The following ATP2B2 variants were observed in gnomAD, a reference collection of about 807,000 sequenced individuals.
The protein encoded by ATP2B2 is ATPase plasma membrane Ca2+ transporting 2.
Under a neutral mutation model 120.0 loss-of-function variants are expected in ATP2B2, and 15 were observed. The ratio of observed to expected loss-of-function variants is 0.12; its 90% CI spans 0.08 to 0.19. The LOEUF (loss-of-function observed/expected upper bound fraction) is 0.19, where lower values mean the gene tolerates loss of function less well. Among genes scored for constraint, ATP2B2 ranks in the 10% least tolerant of loss-of-function variants. The pLI is 1.00. For missense variants in ATP2B2, 1,045 were observed against 1,719.8 expected, an observed-to-expected ratio of 0.61 and a Z score of 6.94; for synonymous variants, 694 against 700.3, an observed-to-expected ratio of 0.99 and a Z score of 0.14.
intron 1 of ATP2B2, among the ~76,000 whole-genome samples, chr3:10,653,255 C>A (rs1391001679): frequency 1.3e-5 from 2 of 152,212 alleles, no homozygotes; most frequent in African/African-American, 4.8e-5. Flanking sequence ...CAATGACCCC[C>A]CTTTGCTTAT....
chr3:10,494,233 C>T (rs1049848296), intron 1 of ATP2B2, among the ~76,000 whole-genome samples: 1 of 152,130 alleles, frequency 6.6e-6, no homozygotes, highest in Non-Finnish European at 1.5e-5. Flanking sequence ...TACTCTGATC[C>T]CACGACTGCT....
Position 10,332,918 on chromosome 3 carries a change from C to T in ATP2B2, c.3421-3793G>A, listed in dbSNP as rs573637050. On this transcript the variant is annotated intron_variant, in intron 22 of 22. Coordinates refer to ENST00000360273, the MANE Select transcript of ATP2B2 (RefSeq NM_001001331.4). ...GGGCTCAGGTATAAGGCAATAGGGA[C>T]GTGCCATTAAGTTTCCGGGGCAAAA... Among the ~76,000 whole-genome samples, 17 of 152,252 alleles carry T rather than the reference C, an allele frequency of 1.1e-4. 1 individual carries two copies. Among genetic ancestry groups the T allele is most frequent in the East Asian group, 7.7e-4 (4 of 5,184 alleles).
intron 2 of ATP2B2, among the ~76,000 whole-genome samples, chr3:10,563,489 G>C (rs6805669): frequency 0.049 from 7,434 of 152,336 alleles, 356 homozygotes; most frequent in African/African-American, 0.13. Flanking sequence ...AGATGGTCAG[G>C]CATTGTTGGT....
At chr3:10,367,681 A>C (rs1426345949) in intron 12 of ATP2B2, among the ~76,000 whole-genome samples, 2 of 151,864 alleles carry the variant, frequency 1.3e-5, no homozygotes, top group Non-Finnish European at 2.9e-5. Flanking sequence ...TGGGCTTGGG[A>C]TTGTACAGAT....
chr3:10,388,458 A>G (rs1436910563), intron 5 of ATP2B2, 56 bp from the exon 6 acceptor site: 2 of 1,612,970 alleles, frequency 1.2e-6, no homozygotes, highest in Non-Finnish European at 1.7e-6. Flanking sequence ...CGTCTCCCCA[A>G]AGGAGTGAAA....
At chr3:10,472,051 C>T (rs542228344) in intron 1 of ATP2B2, among the ~76,000 whole-genome samples, 66 of 146,272 alleles carry the variant, frequency 4.5e-4, no homozygotes, top group African/African-American at 1.4e-3. Context: ...ACTGCACTCC[C>T]GCCTGGGCCA....
At chr3:10,532,613 G>A (rs531141744) in intron 3 of ATP2B2, among the ~76,000 whole-genome samples, 4 of 152,320 alleles carry the variant, frequency 2.6e-5, no homozygotes, top group Non-Finnish European at 5.9e-5. Flanking sequence ...TCTGTATTAT[G>A]GGTCATTTAA....
chr3:10,332,086 T>G, intron 22 of ATP2B2: 3 of 1,509,734 alleles, frequency 2.0e-6, no homozygotes, highest in Non-Finnish European at 1.8e-6. Flanking sequence ...AGGTCTAGGG[T>G]TCCCCCCACA....
At chr3:10,441,868 G>A (rs1482183781) in intron 2 of ATP2B2, among the ~76,000 whole-genome samples, 1 of 152,146 alleles carries the variant, frequency 6.6e-6, no homozygotes, top group Admixed American at 6.5e-5. Flanking sequence ...TTACAGGTGG[G>A]GAAACAGGTT....
intron 2 of ATP2B2, among the ~76,000 whole-genome samples, chr3:10,594,687 G>A (rs1272427605): frequency 6.7e-6 from 1 of 148,150 alleles, no homozygotes; most frequent in African/African-American, 2.5e-5. Context: ...TGCACGTTGT[G>A]CACATGTACC....
intron 12 of ATP2B2, among the ~76,000 whole-genome samples, chr3:10,364,026 T>C (rs917060958): frequency 1.3e-5 from 2 of 152,242 alleles, no homozygotes; most frequent in African/African-American, 4.8e-5. Flanking sequence ...CATTTATCCA[T>C]ACAATGGACT....
At chr3:10,508,178 C>A (rs896400217), upstream of ATP2B2, among the ~76,000 whole-genome samples, 1 of 152,174 alleles carries the variant, frequency 6.6e-6, no homozygotes, top group East Asian at 1.9e-4. Context: ...GCATCCACCC[C>A]GCAGTGACTG....
chr3:10,403,934 A>G (rs2062319358), intron 3 of ATP2B2, among the ~76,000 whole-genome samples: 1 of 152,268 alleles, frequency 6.6e-6, no homozygotes. Context: ...ATGGCTGAGC[A>G]TCTGGAAATC....
chr3:10,656,388 C>T (rs553210742), intron 1 of ATP2B2, among the ~76,000 whole-genome samples: 1 of 152,342 alleles, frequency 6.6e-6, no homozygotes, highest in East Asian at 1.9e-4. Flanking sequence ...GAGCACTCTG[C>T]AGATGTTGTA....
At chr3:10,479,858 G>A (rs1001862960) in intron 1 of ATP2B2, among the ~76,000 whole-genome samples, 1 of 152,154 alleles carries the variant, frequency 6.6e-6, no homozygotes, top group South Asian at 2.1e-4. Context: ...CACTTTAGGA[G>A]GCCAAGGTGA....
intron 1 of ATP2B2, among the ~76,000 whole-genome samples, chr3:10,659,401 T>C (rs1478824727): frequency 6.6e-6 from 1 of 152,128 alleles, no homozygotes; most frequent in African/African-American, 2.4e-5. Flanking sequence ...TGGAGGAACA[T>C]CTATCAAGCA....
chr3:10,573,038 A>T (rs1204983949), intron 2 of ATP2B2, among the ~76,000 whole-genome samples: 1 of 152,294 alleles, frequency 6.6e-6, no homozygotes, highest in East Asian at 1.9e-4. Flanking sequence ...TCATGTGAAC[A>T]AGACAATCAA....
At chr3:10,516,665 T>A (rs2066882177) in intron 3 of ATP2B2, among the ~76,000 whole-genome samples, 1 of 152,242 alleles carries the variant, frequency 6.6e-6, no homozygotes, top group Non-Finnish European at 1.5e-5. Context: ...CCTGCTTCTC[T>A]TCCTTCTCCT....
intron 1 of ATP2B2, among the ~76,000 whole-genome samples, chr3:10,478,359 A>C (rs189906561): frequency 1.8e-4 from 28 of 152,248 alleles, no homozygotes; most frequent in Non-Finnish European, 3.7e-4. Context: ...TGATGCATTA[A>C]AGTTTTTAAC....
Sources: gnomAD v4.1 joint callset for allele counts (sites outside exome capture counted in the v4.1 genomes callset) on GRCh38, gnomAD v4.1.1 for gene constraint, MANE v1.5 for transcripts, NCBI Gene and HGNC (gene_info 2026-07-23, HGNC 2026-07-21) for gene names.